MED12L: variants seen among roughly 807,000 people sequenced by gnomAD.
MED12L encodes mediator of RNA polymerase II transcription subunit 12-like protein.
In MED12L, 60 loss-of-function variants were observed where a neutral mutation model predicts 281.3. The observed-to-expected ratio is 0.21, with a 90% confidence interval of 0.17 to 0.26. The LOEUF (loss-of-function observed/expected upper bound fraction) is 0.26, where lower values mean the gene tolerates loss of function less well. MED12L is among the 10% of genes least tolerant of loss of function. The pLI is 1.00. For missense variants in MED12L, 2,146 were observed against 2,680.9 expected (o/e 0.80, Z 4.41); for synonymous variants, 974 against 987.2 (o/e 0.99, Z 0.25).
At chr3:151,373,560 G>GGT (rs1756439666) in intron 27 of MED12L, among the ~76,000 whole-genome samples, 2 of 145,836 alleles carry the variant, frequency 1.4e-5, no homozygotes, top group Non-Finnish European at 1.5e-5. Context: ...CAAAATGGTG[G>GGT]TTTTTTTTTT....
intron 11 of MED12L, among the ~76,000 whole-genome samples, chr3:151,177,086 A>G (rs1032674692): frequency 2.6e-5 from 4 of 152,252 alleles, no homozygotes; most frequent in Non-Finnish European, 4.4e-5. Flanking sequence ...TGGAAACAGA[A>G]TAAAGTCTTT....
chr3:151,411,446 C>T lies in MED12L; in HGVS notation c.6079C>T (p.Pro2027Ser), dbSNP rs1716923684. The T allele has an allele frequency of 6.2e-7, 1 of 1,614,048 alleles. No homozygotes were observed. The highest frequency in any genetic ancestry group is 1.3e-5 in the African/African-American group (1 of 74,910). ...MERLRQIQQQ[P>S]SGYVQQQASP... ...AAGACTCAGACAGATTCAGCAGCAG[C>T]CGAGTGGCTATGTTCAGCAGCAGGC... Residue 2027 changes from proline (P) to serine (S), a missense_variant, in exon 41 of 45, where the codon CCG (proline) becomes TCG (serine). Transcript: ENST00000687756.
At chr3:151,381,387 G>A (rs1018399867) in intron 32 of MED12L, among the ~76,000 whole-genome samples, 31 of 152,078 alleles carry the variant, frequency 2.0e-4, no homozygotes, top group Admixed American at 1.3e-4. Context: ...TAAAAAATTC[G>A]GGCTGATAAG....
At chr3:151,360,823 G>GT (rs1012258696) in intron 21 of MED12L, among the ~76,000 whole-genome samples, 3 of 151,788 alleles carry the variant, frequency 2.0e-5, no homozygotes, top group South Asian at 2.1e-4. Flanking sequence ...GTGATCATAG[G>GT]TTTTTTTTCC....
chr3:151,290,217 C>T (rs993509529), intron 16 of MED12L, among the ~76,000 whole-genome samples: 2 of 151,992 alleles, frequency 1.3e-5, no homozygotes, highest in Non-Finnish European at 2.9e-5. Context: ...AGAAGTTGGC[C>T]AGTTTACTTT....
intron 30 of MED12L, 48 bp from the exon 31 acceptor site, chr3:151,377,964 C>G: frequency 1.3e-6 from 2 of 1,506,120 alleles, no homozygotes; most frequent in South Asian, 1.3e-5. Context: ...ACTGTGAGAG[C>G]AGGGGAAAGG....
intron 2 of MED12L, among the ~76,000 whole-genome samples, chr3:151,105,223 C>T (rs979155018): frequency 2.0e-5 from 3 of 152,156 alleles, no homozygotes; most frequent in African/African-American, 7.2e-5. Context: ...CCCTTTCTTC[C>T]TGTTAGCTTC....
At chr3:151,176,582 C>T (rs1162638984) in intron 11 of MED12L, among the ~76,000 whole-genome samples, 2 of 145,342 alleles carry the variant, frequency 1.4e-5, no homozygotes, top group African/African-American at 5.1e-5. Flanking sequence ...TCATGGTGCT[C>T]CACTCTTTTA....
intron 16 of MED12L, chr3:151,328,552 C>T (rs1749947024): frequency 6.2e-7 from 1 of 1,613,642 alleles, no homozygotes; most frequent in Non-Finnish European, 8.5e-7. Flanking sequence ...ACAAAAAGAA[C>T]CAGATGAAGA....
intron 16 of MED12L, among the ~76,000 whole-genome samples, chr3:151,217,937 C>G (rs1485718924): frequency 1.3e-5 from 2 of 151,914 alleles, no homozygotes; most frequent in Non-Finnish European, 2.9e-5. Context: ...CAAGTAAGAC[C>G]AAATTATATA....
chr3:151,435,062 C>CTTTTTTTTTTTTTTTT lies in MED12L; in HGVS notation c.*2263_*2278dup, dbSNP rs66791814. The CTTTTTTTTTTTTTTTT allele has an allele frequency of 5.9e-5, 7 of 119,080 alleles. No individual in the cohort carries two copies. Among genetic ancestry groups the CTTTTTTTTTTTTTTTT allele is most frequent in the African/African-American group, 9.2e-5 (3 of 32,438 alleles). 7.4% of individuals were successfully genotyped at this position (119,080 alleles called of 1,614,324 possible). A position where few individuals can be genotyped will look rare whatever the true frequency, so the allele number is the denominator to read the frequency against. Reference sequence around the variant, plus strand: ...GTTAATTCTGTATCTTGAGAGGTTTCTTTTTTTTTTTTTTTTTTTTCTTTT... The same window carrying CTTTTTTTTTTTTTTTT: ...GTTAATTCTGTATCTTGAGAGGTTTCTTTTTTTTTTTTTTTTTTTTTTTTTTTTTTTTTTTTCTTTT... On this transcript the variant is annotated 3_prime_UTR_variant, in exon 45 of 45. Coordinates refer to ENST00000687756, the MANE Select transcript of MED12L (RefSeq NM_001393769.1).
At chr3:151,213,044 G>C (rs962414598) in intron 16 of MED12L, 2 of 227,960 alleles carry the variant, frequency 8.8e-6, no homozygotes, top group African/African-American at 4.6e-5. Context: ...TAATATAATA[G>C]AATTGAATAA....
chr3:151,380,734 C>T (rs1196066932), intron 32 of MED12L, among the ~76,000 whole-genome samples: 1 of 151,930 alleles, frequency 6.6e-6, no homozygotes, highest in Non-Finnish European at 1.5e-5. Context: ...GAGATATATA[C>T]AATAAATGTG....
At chr3:151,106,609 C>A (rs575594098) in intron 2 of MED12L, among the ~76,000 whole-genome samples, 1 of 152,200 alleles carries the variant, frequency 6.6e-6, no homozygotes. Context: ...CTGCATTCCA[C>A]TTCCTGCTAC....
At chr3:151,211,186 ATAT>A (rs1559881235) in intron 16 of MED12L, among the ~76,000 whole-genome samples, 2 of 152,198 alleles carry the variant, frequency 1.3e-5, no homozygotes, top group East Asian at 3.8e-4. Context: ...TTCCTGAAAA[ATAT>A]TACTTTTGCA....
intron 20 of MED12L, among the ~76,000 whole-genome samples, chr3:151,357,866 G>A (rs145165497): frequency 4.5e-4 from 68 of 152,252 alleles, no homozygotes; most frequent in African/African-American, 1.6e-3. Flanking sequence ...TTCAGTTGTA[G>A]GCTGGGGCTT....
intron 16 of MED12L, among the ~76,000 whole-genome samples, chr3:151,247,554 T>C (rs1418749615): frequency 1.4e-5 from 2 of 145,974 alleles, no homozygotes; most frequent in African/African-American, 2.6e-5. Context: ...TAGGTGGGAA[T>C]TGAACAATGA....
intron 16 of MED12L, among the ~76,000 whole-genome samples, chr3:151,239,471 G>A (rs192272812): frequency 1.3e-5 from 2 of 152,322 alleles, no homozygotes; most frequent in Admixed American, 1.3e-4. Context: ...GAATCCAACT[G>A]TCTTCTCTAG....
chr3:151,144,020 C>T (rs1321718129), intron 5 of MED12L, among the ~76,000 whole-genome samples: 1 of 152,070 alleles, frequency 6.6e-6, no homozygotes, highest in African/African-American at 2.4e-5. Flanking sequence ...ATGATAATTC[C>T]AACATTAATT....
Sources: gnomAD v4.1 joint callset for allele counts (sites outside exome capture counted in the v4.1 genomes callset) on GRCh38, gnomAD v4.1.1 for gene constraint, MANE v1.5 for transcripts, NCBI Gene and HGNC (gene_info 2026-07-23, HGNC 2026-07-21) for gene names.